Variants in TRPS1 observed in about 807,000 individuals in gnomAD.
TRPS1 encodes transcriptional repressor GATA binding 1.
Under a neutral mutation model 101.2 loss-of-function variants are expected in TRPS1, and 6 were observed. That is an observed-to-expected ratio of 0.06 (90% CI 0.03 to 0.12). The LOEUF (loss-of-function observed/expected upper bound fraction) is 0.12, where lower values mean the gene tolerates loss of function less well. TRPS1 is among the 10% of genes least tolerant of loss of function. The pLI is 1.00. For missense variants in TRPS1, 1,363 were observed against 1,567.0 expected (o/e 0.87, Z 2.20); for synonymous variants, 578 against 589.8 (o/e 0.98, Z 0.29).
chr8:115,598,003 G>A (rs1311927151), intron 4 of TRPS1, among the ~76,000 whole-genome samples: 6 of 152,116 alleles, frequency 3.9e-5, no homozygotes, highest in Non-Finnish European at 8.8e-5. Context: ...CAGTGGAAAA[G>A]TTTAACAGAC....
intron 5 of TRPS1, among the ~76,000 whole-genome samples, chr8:115,464,072 T>C (rs1391515932): frequency 8.3e-6 from 1 of 119,822 alleles, no homozygotes; most frequent in Non-Finnish European, 1.8e-5. Context: ...ACTTAGCTGT[T>C]GTTTATTATA....
chr8:115,657,454 A>T (rs951517638), intron 1 of TRPS1, among the ~76,000 whole-genome samples: 5 of 152,158 alleles, frequency 3.3e-5, no homozygotes, highest in Non-Finnish European at 7.4e-5. Flanking sequence ...CCTGTGACTG[A>T]TGTTATTGAA....
At chr8:115,648,685 T>TATA (rs1811487444) in intron 1 of TRPS1, among the ~76,000 whole-genome samples, 1 of 116,688 alleles carries the variant, frequency 8.6e-6, no homozygotes, top group Non-Finnish European at 1.6e-5. Flanking sequence ...AAATGTCCCT[T>TATA]ATTATTATTA....
intron 2 of TRPS1, among the ~76,000 whole-genome samples, chr8:115,623,096 T>C (rs2130542118): frequency 6.6e-6 from 1 of 152,224 alleles, no homozygotes; most frequent in East Asian, 1.9e-4. Flanking sequence ...AATTAAATTA[T>C]CATCTTTCTA....
At chr8:115,581,191 TA>T (rs772104490) in intron 5 of TRPS1, among the ~76,000 whole-genome samples, 675 of 139,286 alleles carry the variant, frequency 4.8e-3, no homozygotes, top group Non-Finnish European at 4.0e-3. Context: ...ATGTGGAAGC[TA>T]AAAAAAAAAA....
intron 1 of TRPS1, among the ~76,000 whole-genome samples, chr8:115,633,244 G>A (rs1818690340): frequency 6.6e-6 from 1 of 152,014 alleles, no homozygotes; most frequent in Non-Finnish European, 1.5e-5. Flanking sequence ...ATTTCAAAGG[G>A]TGAGGGGTTT....
At chr8:115,513,935 T>C (rs1041706114) in intron 5 of TRPS1, among the ~76,000 whole-genome samples, 1 of 151,808 alleles carries the variant, frequency 6.6e-6, no homozygotes, top group Non-Finnish European at 1.5e-5. Context: ...AGTCAGATTA[T>C]GGTACACAAA....
At chr8:115,659,590 C>T (rs1811748793) in intron 1 of TRPS1, among the ~76,000 whole-genome samples, 1 of 151,824 alleles carries the variant, frequency 6.6e-6, no homozygotes, top group Non-Finnish European at 1.5e-5. Context: ...CCTGTCTTAA[C>T]TTGGCATCAA....
chr8:115,643,431 A>C (rs1002794250), intron 1 of TRPS1, among the ~76,000 whole-genome samples: 2 of 152,224 alleles, frequency 1.3e-5, no homozygotes, highest in Non-Finnish European at 2.9e-5. Context: ...GACAATGTTC[A>C]CAGCATTTCC....
intron 5 of TRPS1, among the ~76,000 whole-genome samples, chr8:115,466,006 G>A (rs544878324): frequency 1.3e-5 from 2 of 152,188 alleles, no homozygotes; most frequent in South Asian, 2.1e-4. Context: ...ACAAGGTCAC[G>A]GTAGCTCAAA....
intron 5 of TRPS1, among the ~76,000 whole-genome samples, chr8:115,545,209 A>G (rs2130319269): frequency 6.6e-6 from 1 of 152,280 alleles, no homozygotes; most frequent in East Asian, 1.9e-4. Flanking sequence ...GCACAGGAAG[A>G]AAGAATACAC....
At chr8:115,427,660 A>G (rs1453603070) in intron 5 of TRPS1, among the ~76,000 whole-genome samples, 1 of 152,168 alleles carries the variant, frequency 6.6e-6, no homozygotes, top group Non-Finnish European at 1.5e-5. Flanking sequence ...ATATTACACC[A>G]TATCCTGGCC....
intron 5 of TRPS1, among the ~76,000 whole-genome samples, chr8:115,551,431 C>T (rs539628051): frequency 1.2e-4 from 18 of 152,026 alleles, no homozygotes; most frequent in Non-Finnish European, 2.5e-4. Context: ...CTGGCCTTCT[C>T]GGGAGCCAAT....
At chr8:115,664,712 G>A (rs565816029) in intron 1 of TRPS1, among the ~76,000 whole-genome samples, 6 of 152,116 alleles carry the variant, frequency 3.9e-5, no homozygotes, top group South Asian at 2.1e-4. Flanking sequence ...TAAAACTTGC[G>A]GGTTTTTATC....
Position 115,408,843 on chromosome 8 carries a change from T to C in TRPS1, c.*5180A>G, listed in dbSNP as rs1321761395. The C allele has an allele frequency of 1.3e-5, 2 of 152,360 alleles. No individual in the cohort carries two copies. Among genetic ancestry groups the C allele is most frequent in the Non-Finnish European group, 2.9e-5 (2 of 67,920 alleles). The allele number at this position is 152,360 out of a possible 1,614,324, so 9.4% of individuals were successfully genotyped here. A position where few individuals can be genotyped will look rare whatever the true frequency, so the allele number is the denominator to read the frequency against. On this transcript the variant is annotated 3_prime_UTR_variant, in exon 7 of 7. Coordinates refer to ENST00000395715, the MANE Select transcript of TRPS1 (RefSeq NM_014112.5). ...TCCCCCCTCATGCCTCCCCCAAAGT[T>C]TTCCATGTGGTTGTCAAATAGTCCG...
At chr8:115,491,311 G>C (rs1226363807) in intron 5 of TRPS1, among the ~76,000 whole-genome samples, 5 of 152,106 alleles carry the variant, frequency 3.3e-5, no homozygotes, top group African/African-American at 1.2e-4. Context: ...TATTTACATG[G>C]GATTTAAATT....
chr8:115,433,599 A>G (rs1291763852), intron 5 of TRPS1, among the ~76,000 whole-genome samples: 5 of 152,104 alleles, frequency 3.3e-5, no homozygotes, highest in Non-Finnish European at 7.4e-5. Context: ...AATCTTGTAG[A>G]GGTAGTTATG....
chr8:115,440,131 T>C (rs1813554851), intron 5 of TRPS1, among the ~76,000 whole-genome samples: 1 of 152,206 alleles, frequency 6.6e-6, no homozygotes, highest in African/African-American at 2.4e-5. Flanking sequence ...ATGATGAAAA[T>C]TCATTTTTTA....
rs567569562 is a variant in TRPS1, at chr8:115,535,148, A to C, written c.2700+51853T>G. On this transcript the variant is annotated intron_variant, in intron 5 of 6. Transcript: ENST00000395715. ...TATAGCATATATATAGCATATATAT[A>C]GCATATGTATAGCATATGTATTGCA... Among the ~76,000 whole-genome samples the C allele has an allele frequency of 2.8e-5, 4 of 145,006 alleles. No individual in the cohort carries two copies. The South Asian group carries it at 8.5e-4, about 31-fold the overall frequency.
Sources: gnomAD v4.1 joint callset for allele counts (sites outside exome capture counted in the v4.1 genomes callset) on GRCh38, gnomAD v4.1.1 for gene constraint, MANE v1.5 for transcripts, NCBI Gene and HGNC (gene_info 2026-07-23, HGNC 2026-07-21) for gene names.